Variants in ATP10A observed in about 807,000 individuals in gnomAD.
ATP10A encodes the protein phospholipid-transporting ATPase VA.
Under a neutral mutation model 147.8 loss-of-function variants are expected in ATP10A, and 111 were observed. The ratio of observed to expected loss-of-function variants is 0.75; its 90% CI spans 0.64 to 0.88. The LOEUF is 0.88. Ranked by LOEUF, ATP10A falls within the 40% of genes least tolerant of loss-of-function variation. The pLI, the probability that ATP10A is intolerant of heterozygous loss-of-function variation, is 0.00. For synonymous variants in ATP10A, 875 were observed against 841.6 expected (o/e 1.04, Z -0.69); for missense variants, 1,927 against 1,959.0 (o/e 0.98, Z 0.31).
chr15:25,785,277 C>G (rs1890104349), intron 1 of ATP10A, among the ~76,000 whole-genome samples: 1 of 152,084 alleles, frequency 6.6e-6, no homozygotes, highest in South Asian at 2.1e-4. Context: ...AGGCTAGGCC[C>G]AAATGCAATG....
chr15:25,831,289 C>A (rs1892345609), intron 1 of ATP10A, among the ~76,000 whole-genome samples: 1 of 152,194 alleles, frequency 6.6e-6, no homozygotes, highest in South Asian at 2.1e-4. Flanking sequence ...TTGGGCAAGT[C>A]CTGGAACTGT....
At chr15:25,726,206 A>G in intron 4 of ATP10A, 124 bp from the exon 5 acceptor site, 1 of 1,094,262 alleles carries the variant, frequency 9.1e-7, no homozygotes, top group South Asian at 1.8e-5. Flanking sequence ...GCTTGGTCAA[A>G]AAAGCAGGGT....
intron 1 of ATP10A, among the ~76,000 whole-genome samples, chr15:25,820,789 C>A (rs11161231): frequency 0.61 from 92,610 of 152,058 alleles, 31,051 homozygotes; most frequent in East Asian, 0.81. Context: ...TTAAAAGTTC[C>A]AGATAAATTA....
At chr15:25,698,400 T>C (rs1900469811) in intron 13 of ATP10A, among the ~76,000 whole-genome samples, 1 of 152,338 alleles carries the variant, frequency 6.6e-6, no homozygotes, top group South Asian at 2.1e-4. Context: ...ATAGTAAATA[T>C]ATTTTCTCTT....
At chr15:25,780,708 G>C (rs1425719947) in intron 2 of ATP10A, among the ~76,000 whole-genome samples, 1 of 152,150 alleles carries the variant, frequency 6.6e-6, no homozygotes, top group African/African-American at 2.4e-5. Flanking sequence ...GAAACAGCTA[G>C]GTACGTGTTG....
intron 2 of ATP10A, among the ~76,000 whole-genome samples, chr15:25,767,254 AGAG>A (rs1889075783): frequency 6.6e-6 from 1 of 152,158 alleles, no homozygotes; most frequent in African/African-American, 2.4e-5. Flanking sequence ...CTTCCTGCAG[AGAG>A]GAGATGGGTG....
At chr15:25,724,117 G>A in intron 5 of ATP10A, 96 bp from the exon 6 acceptor site, 3 of 1,265,922 alleles carry the variant, frequency 2.4e-6, no homozygotes, top group Non-Finnish European at 3.2e-6. Flanking sequence ...TTTGTTACCT[G>A]ATGCAAGCAC....
chr15:25,775,207 T>C (rs1889543849), intron 2 of ATP10A, among the ~76,000 whole-genome samples: 1 of 152,256 alleles, frequency 6.6e-6, no homozygotes, highest in African/African-American at 2.4e-5. Flanking sequence ...ATTATACTTT[T>C]TCACTTCTAG....
intron 1 of ATP10A, among the ~76,000 whole-genome samples, chr15:25,828,235 T>C (rs763036458): frequency 1.3e-5 from 2 of 152,084 alleles, no homozygotes; most frequent in African/African-American, 2.4e-5. Context: ...CAACAATAAA[T>C]AGAACTAGCA....
intron 6 of ATP10A, 44 bp downstream of exon 6, chr15:25,723,847 T>C: frequency 6.7e-7 from 1 of 1,489,390 alleles, no homozygotes; most frequent in Non-Finnish European, 9.0e-7. Flanking sequence ...TAAGTTCTCT[T>C]CATAAAAGTA....
At chr15:25,718,880 G>A (rs993747223) in intron 7 of ATP10A, among the ~76,000 whole-genome samples, 2 of 152,122 alleles carry the variant, frequency 1.3e-5, no homozygotes, top group East Asian at 1.9e-4. Flanking sequence ...ATGGCACAGG[G>A]GGGCTCACAC....
At chr15:25,821,276 C>T (rs1409856014) in intron 1 of ATP10A, among the ~76,000 whole-genome samples, 1 of 152,046 alleles carries the variant, frequency 6.6e-6, no homozygotes, top group East Asian at 1.9e-4. Flanking sequence ...GTGGTCCCAG[C>T]TACTCAGGAA....
chr15:25,692,179 CG>C (rs1470786118), intron 14 of ATP10A, among the ~76,000 whole-genome samples: 4 of 152,226 alleles, frequency 2.6e-5, no homozygotes, highest in Admixed American at 2.6e-4. Context: ...CCACACTTCC[CG>C]GGCAGTTTCT....
Position 25,695,051 on chromosome 15 carries a change from C to G in ATP10A, c.2856G>C (p.Met952Ile), listed in dbSNP as rs1029341449. Residue 952 changes from methionine (M) to isoleucine (I), a missense_variant, in exon 14 of 21, where the codon ATG becomes ATC. Met to Ile is a conservative substitution (Grantham distance 10, BLOSUM62 1). Coordinates refer to ENST00000555815, the MANE Select transcript of ATP10A (RefSeq NM_024490.4). ...AGGGTGGGCAGAGAGAGGAGAACCTCATGCTCACTTTGCCCTTGGTCTTCT... is the reference window on the plus strand; with the variant it reads ...AGGGTGGGCAGAGAGAGGAGAACCTGATGCTCACTTTGCCCTTGGTCTTCT... ...APEKTKGKVS[M>I]RFSSLCPPST... 1 of 1,614,098 alleles carries G rather than the reference C, an allele frequency of 6.2e-7. No homozygotes were observed. The highest frequency in any genetic ancestry group is 1.3e-5 in the African/African-American group (1 of 74,930).
rs114923343 is a variant in ATP10A, at chr15:25,839,543, G to A, written c.449+23105C>T. Among the ~76,000 whole-genome samples the A allele has an allele frequency of 3.6e-3, 547 of 152,192 alleles. 8 individuals carry two copies. The highest frequency in any genetic ancestry group is 0.013 in the African/African-American group (521 of 41,524). ...CTACACTAGCCCTCCTTAGCAAGGC[G>A]GCAGGCTCGTCCTCTCTCCCGCTCT... On this transcript the variant is annotated intron_variant, in intron 1 of 20. Coordinates refer to ENST00000555815, the MANE Select transcript of ATP10A (RefSeq NM_024490.4).
At position 25,732,558 on chromosome 15, in the gene ATP10A, C is replaced by CT. The variant is rs36120691; in HGVS notation, c.740+3497dup. On this transcript the variant is annotated intron_variant, in intron 3 of 20. Transcript: ENST00000555815. ...GTGAGCATTTCACATGCGACACCTT[C>CT]TTTTTTTTTTTTTTTGAGATGGAGT... Among the ~76,000 whole-genome samples the CT allele has an allele frequency of 2.9e-4, 24 of 84,146 alleles. 2 individuals are homozygous for CT. The highest frequency in any genetic ancestry group is 8.7e-4 in the African/African-American group (19 of 21,766). The allele number at this position is 84,146 out of a possible 152,430, so 55.2% of individuals were successfully genotyped here.
chr15:25,683,515 A>T, intron 16 of ATP10A, 29 bp from the exon 17 acceptor site: 1 of 1,587,562 alleles, frequency 6.3e-7, no homozygotes, highest in Non-Finnish European at 8.6e-7. Flanking sequence ...GAACAGGAAC[A>T]GGCGAGTCTT....
In ATP10A at chr15:25,863,251, GCGCGCCCAGCC is replaced by G. The variant is rs534417317; in HGVS notation, c.-166_-156del. ...GTCAGCGCGCCGCCTGGCCGGCCCA[GCGCGCCCAGCC>G]CGCGCCCAGCCCCGTCCACTCCCGT... is the stretch of plus-strand genomic sequence containing the variant. On this transcript the variant is annotated 5_prime_UTR_variant, in exon 1 of 21. Transcript: ENST00000555815. 676 of 369,518 alleles carry G rather than the reference GCGCGCCCAGCC, an allele frequency of 1.8e-3. 7 individuals are homozygous for G. Among genetic ancestry groups the G allele is most frequent in the African/African-American group, 0.014 (612 of 45,254 alleles). The allele number at this position is 369,518 out of a possible 1,614,324, so 22.9% of individuals were successfully genotyped here. A position where few individuals can be genotyped will look rare whatever the true frequency, so the allele number is the denominator to read the frequency against.
chr15:25,751,798 A>C (rs1162547722), intron 2 of ATP10A, among the ~76,000 whole-genome samples: 2 of 152,130 alleles, frequency 1.3e-5, no homozygotes, highest in Admixed American at 6.5e-5. Flanking sequence ...GTATACAAGG[A>C]GCTCAAAAAC....
Sources: allele counts gnomAD v4.1 joint callset (sites outside exome capture counted in the v4.1 genomes callset), GRCh38; gene constraint gnomAD v4.1.1; transcripts MANE v1.5; gene names NCBI Gene and HGNC (gene_info 2026-07-23, HGNC 2026-07-21).